Variants in FBXL20 observed in about 807,000 individuals in gnomAD.
The protein encoded by FBXL20 is F-box/LRR-repeat protein 20.
FBXL20 carries 11 observed loss-of-function variants against 64.0 expected under a neutral mutation model. That is an observed-to-expected ratio of 0.17 (90% CI 0.11 to 0.28). The LOEUF (loss-of-function observed/expected upper bound fraction) is 0.28, where lower values mean the gene tolerates loss of function less well. Ranked by LOEUF, FBXL20 falls within the 10% of genes least tolerant of loss-of-function variation. FBXL20 has a pLI of 1.00. For missense variants in FBXL20, 303 were observed against 526.2 expected (o/e 0.58, Z 4.15); for synonymous variants, 184 against 189.0 (o/e 0.97, Z 0.22).
intron 1 of FBXL20, among the ~76,000 whole-genome samples, chr17:39,347,105 G>T (rs1200342987): frequency 6.6e-6 from 1 of 152,152 alleles, no homozygotes; most frequent in Non-Finnish European, 1.5e-5. Flanking sequence ...GGACGTTTGG[G>T]TTGGTTCCAA....
intron 4 of FBXL20, 67 bp downstream of exon 4, chr17:39,300,934 A>C (rs1231487682): frequency 7.1e-7 from 1 of 1,415,390 alleles, no homozygotes; most frequent in Non-Finnish European, 9.9e-7. Flanking sequence ...TAATATGGCT[A>C]GGGCTAATCT....
At chr17:39,401,692 A>T, upstream of FBXL20, 1 of 1,194,768 alleles carries the variant, frequency 8.4e-7, no homozygotes, top group East Asian at 4.9e-5. Flanking sequence ...TGCTCATTGG[A>T]CAGAGCCGCC....
At chr17:39,293,756 A>G (rs974880574) in intron 6 of FBXL20, among the ~76,000 whole-genome samples, 5 of 152,056 alleles carry the variant, frequency 3.3e-5, no homozygotes, top group African/African-American at 1.2e-4. Flanking sequence ...TTCTTTGCCA[A>G]ACTGTGTGGG....
chr17:39,268,746 T>C (rs1238093588), intron 12 of FBXL20, 81 bp downstream of exon 12: 2 of 1,204,650 alleles, frequency 1.7e-6, no homozygotes, highest in Non-Finnish European at 2.4e-6. Context: ...TACACTAGGG[T>C]AGGGAATTGC....
intron 2 of FBXL20, among the ~76,000 whole-genome samples, chr17:39,307,402 C>G (rs1362556893): frequency 1.3e-5 from 2 of 152,070 alleles, no homozygotes; most frequent in Admixed American, 6.6e-5. Flanking sequence ...AACAGATTGC[C>G]AAGATCTGGG....
chr17:39,366,010 T>TA (rs1405079973), intron 1 of FBXL20, among the ~76,000 whole-genome samples: 1 of 152,090 alleles, frequency 6.6e-6, no homozygotes, highest in Non-Finnish European at 1.5e-5. Context: ...TTTTTTTTTT[T>TA]AGAGATGGGG....
At chr17:39,364,132 C>A (rs1050037562) in intron 1 of FBXL20, among the ~76,000 whole-genome samples, 1 of 152,018 alleles carries the variant, frequency 6.6e-6, no homozygotes, top group Non-Finnish European at 1.5e-5. Flanking sequence ...TCAAGTGATC[C>A]GCCCACCTCA....
In FBXL20 at chr17:39,370,603, G is replaced by A. The variant is rs1465297089; in HGVS notation, c.43-27362C>T. 3.5e-4 allele frequency among the ~76,000 whole-genome samples: 53 copies of A among 150,754 alleles called. 1 individual carries two copies. Among genetic ancestry groups the A allele is most frequent in the African/African-American group, 1.2e-4 (5 of 40,962 alleles). ...AGATCGAGACCATCCTGGCTAACACGGTGAAACCCCGTCTCTACTAAAAAA... is the reference window on the plus strand; with the variant it reads ...AGATCGAGACCATCCTGGCTAACACAGTGAAACCCCGTCTCTACTAAAAAA... On this transcript the variant is annotated intron_variant, in intron 1 of 14. Coordinates refer to ENST00000264658, the MANE Select transcript of FBXL20 (RefSeq NM_032875.3).
chr17:39,278,682 G>C (rs1426503280), intron 9 of FBXL20, among the ~76,000 whole-genome samples: 1 of 150,846 alleles, frequency 6.6e-6, no homozygotes, highest in African/African-American at 2.4e-5. Context: ...CAAATACCTG[G>C]GATTACGGGC....
At chr17:39,321,051 C>A (rs952335605) in intron 2 of FBXL20, among the ~76,000 whole-genome samples, 4 of 151,726 alleles carry the variant, frequency 2.6e-5, no homozygotes, top group Non-Finnish European at 5.9e-5. Context: ...TTGTTAAGTT[C>A]TTGGTTGCCT....
At chr17:39,362,719 T>C (rs542476661) in intron 1 of FBXL20, among the ~76,000 whole-genome samples, 4 of 145,286 alleles carry the variant, frequency 2.8e-5, no homozygotes, top group African/African-American at 1.0e-4. Context: ...CGGGTTCAAG[T>C]GATTCTCCTG....
chr17:39,308,365 C>T (rs2047201706), intron 2 of FBXL20, among the ~76,000 whole-genome samples: 1 of 151,868 alleles, frequency 6.6e-6, no homozygotes, highest in Admixed American at 6.6e-5. Flanking sequence ...GATTGTGGTG[C>T]ACGCCTGTAG....
chr17:39,261,872 G>A (rs1419672952), intron 14 of FBXL20, among the ~76,000 whole-genome samples: 3 of 152,030 alleles, frequency 2.0e-5, no homozygotes, highest in African/African-American at 7.2e-5. Flanking sequence ...CACGAGGTCA[G>A]GAGATTGAGA....
chr17:39,343,253 A>T lies in FBXL20; in HGVS notation c.43-12T>A. 1 of 1,581,342 alleles carries T rather than the reference A, an allele frequency of 6.3e-7. No homozygotes were observed. Among genetic ancestry groups the T allele is most frequent in the Non-Finnish European group, 8.6e-7 (1 of 1,162,850 alleles). ...CTATTTGAGAACATCTGCAAAAACA[A>T]AATCATAGTGTCAAGTGTTACTTAA... is the stretch of plus-strand genomic sequence containing the variant. On this transcript the variant is annotated splice_polypyrimidine_tract_variant and intron_variant, in intron 1 of 14. Transcript: ENST00000264658.
Position 39,285,050 on chromosome 17 carries a change from C to T in FBXL20, c.494+428G>A, listed in dbSNP as rs557284107. Among the ~76,000 whole-genome samples, 27 of 151,976 alleles carry T rather than the reference C, an allele frequency of 1.8e-4. No individual in the cohort carries two copies. The South Asian group carries it at 5.0e-3, about 28-fold the overall frequency. On this transcript the variant is annotated intron_variant, in intron 7 of 14. Transcript: ENST00000264658. ...CCTCCCGAGTAGCTGGGACTACAGG[C>T]GCACGCCACCATGCCCAACTAATTT...
chr17:39,361,187 G>C (rs905944638), intron 1 of FBXL20, among the ~76,000 whole-genome samples: 1 of 152,012 alleles, frequency 6.6e-6, no homozygotes, highest in Non-Finnish European at 1.5e-5. Flanking sequence ...TGAAACCATG[G>C]GAAGATCTAG....
At chr17:39,263,233 G>A (rs1396329525) in intron 14 of FBXL20, among the ~76,000 whole-genome samples, 1 of 151,166 alleles carries the variant, frequency 6.6e-6, no homozygotes, top group Non-Finnish European at 1.5e-5. Context: ...AGTTTTTTAA[G>A]GCCGGGCATG....
chr17:39,327,351 T>C (rs1227033276), intron 2 of FBXL20, among the ~76,000 whole-genome samples: 1 of 152,146 alleles, frequency 6.6e-6, no homozygotes, highest in Admixed American at 6.6e-5. Flanking sequence ...CACAGTGATA[T>C]GGGTAAATCA....
At chr17:39,353,621 T>TATTC (rs1159113884) in intron 1 of FBXL20, among the ~76,000 whole-genome samples, 2 of 150,774 alleles carry the variant, frequency 1.3e-5, no homozygotes, top group African/African-American at 2.4e-5. Context: ...TTTATTTATT[T>TATTC]ATTTATTTAT....
Sources: gnomAD v4.1 joint callset for allele counts (sites outside exome capture counted in the v4.1 genomes callset) on GRCh38, gnomAD v4.1.1 for gene constraint, MANE v1.5 for transcripts, NCBI Gene and HGNC (gene_info 2026-07-23, HGNC 2026-07-21) for gene names.